ADAMTS17: variants seen among roughly 807,000 people sequenced by gnomAD.
ADAMTS17 encodes the protein ADAM metallopeptidase with thrombospondin type 1 motif 17.
In ADAMTS17, 113 loss-of-function variants were observed where a neutral mutation model predicts 141.5. The observed-to-expected ratio is 0.80, with a 90% CI of 0.69 to 0.93. The LOEUF (loss-of-function observed/expected upper bound fraction) is 0.93. Among genes scored for constraint, ADAMTS17 ranks in the 40% least tolerant of loss-of-function variants. The pLI, the probability that ADAMTS17 is intolerant of heterozygous loss-of-function variation, is 0.00. For synonymous variants in ADAMTS17, 768 were observed against 630.6 expected (o/e 1.22, Z -3.27); for missense variants, 1,659 against 1,517.9 (o/e 1.09, Z -1.54).
intron 8 of ADAMTS17, among the ~76,000 whole-genome samples, chr15:100,184,905 C>T (rs553609844): frequency 1.2e-4 from 18 of 152,298 alleles, no homozygotes; most frequent in Admixed American, 2.6e-4. Flanking sequence ...CTCCTCCTCC[C>T]GGCCCCATGG....
Position 100,100,159 on chromosome 15 carries a change from C to T in ADAMTS17, c.2017-3683G>A, listed in dbSNP as rs372207190. Among the ~76,000 whole-genome samples, 129 of 152,178 alleles carry T rather than the reference C, an allele frequency of 8.5e-4. 1 individual carries two copies. Among genetic ancestry groups the T allele is most frequent in the African/African-American group, 2.1e-3 (87 of 41,478 alleles). Reference sequence around the variant, plus strand: ...TGTAAGATGGAGGGAGACGCCAGTGCGGAAACAAGCAGACACCCCAGAGTG... The same window carrying T: ...TGTAAGATGGAGGGAGACGCCAGTGTGGAAACAAGCAGACACCCCAGAGTG... On this transcript the variant is annotated intron_variant, in intron 14 of 21. Transcript: ENST00000268070.
intron 18 of ADAMTS17, among the ~76,000 whole-genome samples, chr15:100,025,161 ACT>A (rs1212704487): frequency 6.6e-6 from 1 of 152,132 alleles, no homozygotes; most frequent in Non-Finnish European, 1.5e-5. Flanking sequence ...AATATTCATA[ACT>A]GTTATATTTT....
chr15:100,284,391 C>G (rs1233726064), intron 3 of ADAMTS17, among the ~76,000 whole-genome samples: 3 of 152,296 alleles, frequency 2.0e-5, no homozygotes, highest in East Asian at 1.9e-4. Flanking sequence ...AAATGCTCAC[C>G]CAAGGAATGC....
intron 8 of ADAMTS17, among the ~76,000 whole-genome samples, chr15:100,191,771 T>C (rs1054512236): frequency 2.6e-5 from 4 of 152,172 alleles, no homozygotes; most frequent in African/African-American, 7.2e-5. Context: ...ATTCTGCTTT[T>C]ATTTGTGTGA....
chr15:100,155,921 T>C (rs1596128525), intron 8 of ADAMTS17, among the ~76,000 whole-genome samples: 1 of 152,200 alleles, frequency 6.6e-6, no homozygotes, highest in African/African-American at 2.4e-5. Context: ...AGCTGAACAG[T>C]GATCTTAGCT....
intron 7 of ADAMTS17, among the ~76,000 whole-genome samples, chr15:100,212,432 G>A (rs2041838796): frequency 6.6e-6 from 1 of 152,166 alleles, no homozygotes; most frequent in Non-Finnish European, 1.5e-5. Flanking sequence ...CAAGGCTCAC[G>A]TACAGATGTC....
chr15:100,132,048 C>T lies in ADAMTS17; in HGVS notation c.1680G>A (p.Gly560=). ...TCCTCTGCCTGAAGCGGGCTCCCGT[C>T]CCACATGTTCGGCTGCACATGCTCC... The part of the protein sequence containing the change: ...GAWSMCSRTC[G]TGARFRQRKC... The change falls in exon 12 of 22, where the codon GGG becomes GGA. Residue 560 remains glycine, a synonymous_variant. Coordinates refer to ENST00000268070, the MANE Select transcript of ADAMTS17 (RefSeq NM_139057.4). 6.2e-7 allele frequency: 1 copy of T among 1,613,922 alleles called. No homozygotes were observed. Among genetic ancestry groups the T allele is most frequent in the South Asian group, 1.1e-5 (1 of 91,070 alleles).
intron 7 of ADAMTS17, among the ~76,000 whole-genome samples, chr15:100,218,241 T>C (rs1242231540): frequency 1.3e-5 from 2 of 152,216 alleles, no homozygotes; most frequent in Non-Finnish European, 1.5e-5. Context: ...ATATGCTAAC[T>C]AGCCTGATTT....
At chr15:100,259,112 C>T (rs4965293) in intron 6 of ADAMTS17, among the ~76,000 whole-genome samples, 117,958 of 152,210 alleles carry the variant, frequency 0.77, 45,922 homozygotes, top group East Asian at 0.93. Flanking sequence ...AGATTTTCCA[C>T]AGTATTTATG....
chr15:100,241,257 A>G (rs1225806183), intron 7 of ADAMTS17, among the ~76,000 whole-genome samples: 1 of 152,172 alleles, frequency 6.6e-6, no homozygotes, highest in African/African-American at 2.4e-5. Context: ...TTCAGTAAAA[A>G]TCACTCAAGA....
In ADAMTS17 at chr15:100,069,180, A is replaced by G. The variant is rs566590593; in HGVS notation, c.2138-15126T>C. ...GAAATGAATAAAATGAAGCGAGAAGAGAAGTTTAGAGAAAAAAGAATAAAA... is the reference window on the plus strand; with the variant it reads ...GAAATGAATAAAATGAAGCGAGAAGGGAAGTTTAGAGAAAAAAGAATAAAA... On this transcript the variant is annotated intron_variant, in intron 15 of 21. Coordinates refer to ENST00000268070, the MANE Select transcript of ADAMTS17 (RefSeq NM_139057.4). Among the ~76,000 whole-genome samples the G allele has an allele frequency of 3.9e-5, 6 of 152,352 alleles. No individual in the cohort carries two copies. In the South Asian group the frequency reaches 1.0e-3, roughly 26 times the overall value.
chr15:100,090,434 T>C (rs147091001), intron 15 of ADAMTS17, among the ~76,000 whole-genome samples: 2,333 of 152,334 alleles, frequency 0.015, 104 homozygotes, highest in Admixed American at 0.09. Flanking sequence ...GATGGGGCCC[T>C]GATCAATTCC....
chr15:100,078,269 T>C (rs2034513619), intron 15 of ADAMTS17, among the ~76,000 whole-genome samples: 1 of 151,052 alleles, frequency 6.6e-6, no homozygotes, highest in South Asian at 2.1e-4. Flanking sequence ...CAGATGAAAA[T>C]GCAACAGACC....
chr15:100,122,380 C>T (rs1303298018), intron 12 of ADAMTS17, among the ~76,000 whole-genome samples: 1 of 152,202 alleles, frequency 6.6e-6, no homozygotes, highest in Admixed American at 6.5e-5. Flanking sequence ...ACTAGGTACA[C>T]AATTTGCTAC....
At chr15:100,045,326 A>G (rs537974759) in intron 18 of ADAMTS17, among the ~76,000 whole-genome samples, 28 of 152,312 alleles carry the variant, frequency 1.8e-4, no homozygotes, top group Non-Finnish European at 3.1e-4. Flanking sequence ...AACCTCATGT[A>G]TATTTTATAT....
chr15:99,984,231 C>T (rs2060538236), intron 20 of ADAMTS17, among the ~76,000 whole-genome samples: 1 of 152,202 alleles, frequency 6.6e-6, no homozygotes, highest in Non-Finnish European at 1.5e-5. Context: ...GCCGGGTCGC[C>T]TCCAGAGCTC....
chr15:99,988,652 C>T (rs776221874), intron 20 of ADAMTS17, among the ~76,000 whole-genome samples: 1 of 152,196 alleles, frequency 6.6e-6, no homozygotes, highest in East Asian at 1.9e-4. Flanking sequence ...GACTCCAATA[C>T]CTCACTCTTC....
At chr15:100,080,756 T>C (rs1401565572) in intron 15 of ADAMTS17, among the ~76,000 whole-genome samples, 1 of 152,264 alleles carries the variant, frequency 6.6e-6, no homozygotes, top group East Asian at 1.9e-4. Context: ...TTTTCCTTTA[T>C]CATGTGACAT....
Position 99,974,700 on chromosome 15 carries a change from GC to G in ADAMTS17, c.3128-139del. On this transcript the variant is annotated intron_variant, in intron 21 of 21. Coordinates refer to ENST00000268070, the MANE Select transcript of ADAMTS17 (RefSeq NM_139057.4). ...CACGTCAACCCTTTGCACTGATTAGGCCATGCCTCCTGCCAGGGCACTGGGG... is the reference window on the plus strand; with the variant it reads ...CACGTCAACCCTTTGCACTGATTAGGCATGCCTCCTGCCAGGGCACTGGGG... 5 of 1,171,076 alleles carry G rather than the reference GC, an allele frequency of 4.3e-6. No homozygotes were observed. In the South Asian group the frequency reaches 6.5e-5, roughly 15 times the overall value. 72.5% of individuals were successfully genotyped at this position (1,171,076 alleles called of 1,614,324 possible).
Sources: allele counts gnomAD v4.1 joint callset (sites outside exome capture counted in the v4.1 genomes callset), GRCh38; gene constraint gnomAD v4.1.1; transcripts MANE v1.5; gene names NCBI Gene and HGNC (gene_info 2026-07-23, HGNC 2026-07-21).